The following AP3D1 variants were observed in gnomAD, a reference collection of about 807,000 sequenced individuals.
AP3D1 encodes the protein adaptor related protein complex 3 subunit delta 1, also known as AP-3 complex subunit delta-1.
In AP3D1, 51 loss-of-function variants were observed where a neutral mutation model predicts 147.6. The ratio of observed to expected loss-of-function variants is 0.35; its 90% CI spans 0.28 to 0.44. The LOEUF (loss-of-function observed/expected upper bound fraction) is 0.44. Among genes scored for constraint, AP3D1 ranks in the 20% least tolerant of loss-of-function variants. The probability of loss-of-function intolerance (pLI) is 1.00; values close to 1 mark genes in which losing one functional copy is unlikely to be tolerated. For missense variants in AP3D1, 1,421 were observed against 1,624.2 expected (o/e 0.87, Z 2.15); for synonymous variants, 760 against 663.0 (o/e 1.15, Z -2.25).
chr19:2,133,455 C>T (rs1023640791), intron 4 of AP3D1: 3 of 152,110 alleles, frequency 2.0e-5, no homozygotes, highest in African/African-American at 7.2e-5. Flanking sequence ...ATATATGCAT[C>T]TACCAAGATC....
Position 2,113,395 on chromosome 19 carries a change from A to G in AP3D1, c.2620T>C (p.Trp874Arg), listed in dbSNP as rs1475503187. 2 of 1,477,482 alleles carry G rather than the reference A, an allele frequency of 1.4e-6. No homozygotes were observed. Among genetic ancestry groups the G allele is most frequent in the Non-Finnish European group, 1.8e-6 (2 of 1,116,700 alleles). 91.5% of individuals were successfully genotyped at this position (1,477,482 alleles called of 1,614,324 possible). Residue 874 changes from tryptophan to arginine, a missense_variant, in exon 23 of 32, where the codon TGG (tryptophan) becomes CGG (arginine). Trp to Arg is a moderately radical substitution (Grantham distance 101). Transcript: ENST00000643116. ...KEKKAEDLDF[W>R]LSTTPPPAPA... ...GCAGGCGGTGGGGTGGTAGACAGCC[A>G]GAAGTCCAGGTCCTCAGCCTGAAAC... is the stretch of plus-strand genomic sequence containing the variant.
At chr19:2,157,180 C>T (rs1456233469) in intron 1 of AP3D1, among the ~76,000 whole-genome samples, 3 of 151,408 alleles carry the variant, frequency 2.0e-5, no homozygotes, top group Admixed American at 6.6e-5. Flanking sequence ...CGGTGGCTCA[C>T]GCCTGTAATC....
At chr19:2,150,373 G>A (rs1219911829) in intron 1 of AP3D1, among the ~76,000 whole-genome samples, 1 of 152,202 alleles carries the variant, frequency 6.6e-6, no homozygotes, top group African/African-American at 2.4e-5. Context: ...ACACGTGGTG[G>A]CCACTCTGCC....
intron 14 of AP3D1, among the ~76,000 whole-genome samples, chr19:2,119,946 G>C (rs751851205): frequency 3.9e-5 from 6 of 152,072 alleles, no homozygotes; most frequent in Non-Finnish European, 7.4e-5. Context: ...GCCAGACTCT[G>C]TCTCGGGGCG....
chr19:2,163,332 A>C (rs563236319), intron 1 of AP3D1, among the ~76,000 whole-genome samples: 3,395 of 150,704 alleles, frequency 0.023, 52 homozygotes, highest in Non-Finnish European at 0.033. Flanking sequence ...CCTCGGCCTC[A>C]CAAAGTGCTG....
chr19:2,137,881 C>G (rs1158705097), intron 2 of AP3D1, 74 bp from the exon 3 acceptor site: 14 of 1,383,372 alleles, frequency 1.0e-5, no homozygotes, highest in Admixed American at 1.7e-5. Context: ...CGGCATCAAG[C>G]GCTCCCTCCC....
chr19:2,112,692 A>T, intron 24 of AP3D1, 168 bp downstream of exon 24: 1 of 561,988 alleles, frequency 1.8e-6, no homozygotes, highest in South Asian at 2.4e-5. Context: ...GAAGGTTATT[A>T]AAAAAACACA....
intron 23 of AP3D1, 21 bp downstream of exon 23, chr19:2,113,315 G>T (rs768569313): frequency 1.1e-5 from 14 of 1,310,150 alleles, no homozygotes; most frequent in Non-Finnish European, 1.3e-5. Flanking sequence ...GGCTGGCACT[G>T]GCCAGCTGCC....
chr19:2,108,937 A>C, intron 30 of AP3D1, 149 bp downstream of exon 30: 1 of 1,367,248 alleles, frequency 7.3e-7, no homozygotes, highest in Non-Finnish European at 9.9e-7. Flanking sequence ...CCCCCGCACC[A>C]GCTCCCAGGC....
chr19:2,116,792 CGCGCCT>C, intron 16 of AP3D1, 46 bp from the exon 17 acceptor site: 1 of 1,552,854 alleles, frequency 6.4e-7, no homozygotes, highest in Admixed American at 2.0e-5. Flanking sequence ...TGACCGAGCA[CGCGCCT>C]GCAGGCGTCC....
chr19:2,102,594 G>A (rs1186284813), intron 31 of AP3D1, among the ~76,000 whole-genome samples: 2 of 152,094 alleles, frequency 1.3e-5, no homozygotes, highest in Admixed American at 6.6e-5. Context: ...CAGGCAGGGT[G>A]GCGGGTGCCT....
chr19:2,158,666 C>T (rs1215256486), intron 1 of AP3D1, among the ~76,000 whole-genome samples: 5 of 151,086 alleles, frequency 3.3e-5, no homozygotes, highest in Non-Finnish European at 5.9e-5. Context: ...AGTGCAACGG[C>T]GCAATCCGCT....
At position 2,115,847 on chromosome 19, in the gene AP3D1, A is replaced by G. The variant is rs561931608; in HGVS notation, c.2074-234T>C. On this transcript the variant is annotated intron_variant, in intron 18 of 31. Transcript: ENST00000643116. ...CGAGTGACCCCACAGGCCTATGAGC[A>G]GAGAGAAGCAAATCCTCGTTCACTT... is the stretch of plus-strand genomic sequence containing the variant. Among the ~76,000 whole-genome samples, 3 of 152,386 alleles carry G rather than the reference A, an allele frequency of 2.0e-5. No individual in the cohort carries two copies. The East Asian group carries it at 5.8e-4, about 29-fold the overall frequency.
Position 2,138,684 on chromosome 19 carries a change from T to A in AP3D1, c.127A>T (p.Ile43Phe), listed in dbSNP as rs1163344701. 6.2e-7 allele frequency: 1 copy of A among 1,613,682 alleles called. No homozygotes were observed. The highest frequency in any genetic ancestry group is 1.7e-5 in the Admixed American group (1 of 59,994). The change falls in exon 2 of 32, where the codon ATC (isoleucine) becomes TTC (phenylalanine). Residue 43 changes from isoleucine (I) to phenylalanine (F), a missense_variant. Coordinates refer to ENST00000643116, the MANE Select transcript of AP3D1 (RefSeq NM_001261826.3). ...TTGTCCTGCTTCAGCTCCTGCTTGA[T>A]CTCATCAATGCACTGAGATATGTAT... ...AKYISQCIDE[I>F]KQELKQDNIA... is the part of the protein sequence containing the mutation.
Position 2,162,981 on chromosome 19 carries a change from C to T in AP3D1, c.-103+1375G>A, listed in dbSNP as rs187588089. 5.7e-3 allele frequency among the ~76,000 whole-genome samples: 874 copies of T among 152,234 alleles called. 5 individuals are homozygous for T. The highest frequency in any genetic ancestry group is 0.02 in the African/African-American group (825 of 41,532). ...GATCTAACTTCACCGACTCCCTCTTCCTTCTAACCTCCAAGCTGTCCTTGT... is the reference window on the plus strand; with the variant it reads ...GATCTAACTTCACCGACTCCCTCTTTCTTCTAACCTCCAAGCTGTCCTTGT... On this transcript the variant is annotated intron_variant, in intron 1 of 14. Transcript: ENST00000643010.
Position 2,102,224 on chromosome 19 carries a change from C to T in AP3D1, c.3597G>A (p.Thr1199=), listed in dbSNP as rs201880859. ...TCTCTTCTAACAAGTTGCTCAGTAG[C>T]GTGGAGTCACTGCACTTCCCGTCGA... The part of the protein sequence containing the change: ...VSVDGKCSDS[T]LLSNLLEEMK... Residue 1199 remains threonine (T), a synonymous_variant, in exon 32 of 32, where the codon ACG becomes ACA. Coordinates refer to ENST00000643116, the MANE Select transcript of AP3D1 (RefSeq NM_001261826.3). 1.5e-5 allele frequency: 25 copies of T among 1,614,058 alleles called. No homozygotes were observed. In the African/African-American group the frequency reaches 2.0e-4, roughly 13 times the overall value.
At chr19:2,111,641 AC>A in intron 25 of AP3D1, 37 bp downstream of exon 25, 1 of 1,549,514 alleles carries the variant, frequency 6.5e-7, no homozygotes, top group Non-Finnish European at 8.7e-7. Flanking sequence ...CCCGCCAGGA[AC>A]CCCGGCGTGG....
rs368491820 is a variant in AP3D1, at chr19:2,115,374, G to A, written c.2194C>T (p.Arg732Trp). The A allele has an allele frequency of 3.1e-5, 49 of 1,606,480 alleles. No homozygotes were observed. In the Middle Eastern group the frequency reaches 9.9e-4, roughly 32 times the overall value. Reference protein sequence around the residue: ...DQYVKLEEERRHRQKLEKDKR... With the variant: ...DQYVKLEEERWHRQKLEKDKR... ...TCCTTCTCCAGCTTCTGCCGGTGCC[G>A]CCGCTCCTCCTCCAGCTTCACATAC... The change falls in exon 20 of 32, where the codon CGG (arginine) becomes TGG (tryptophan). Residue 732 changes from arginine to tryptophan, a missense_variant. Physicochemically the swap from Arg to Trp is moderately radical, Grantham distance 101. This residue lies in a region of AP3D1 where 791 missense variants were observed against 761.4 expected (regional missense o/e 1.04). Coordinates refer to ENST00000643116, the MANE Select transcript of AP3D1 (RefSeq NM_001261826.3).
At chr19:2,158,640 T>C (rs2019668882) in intron 1 of AP3D1, among the ~76,000 whole-genome samples, 1 of 151,254 alleles carries the variant, frequency 6.6e-6, no homozygotes, top group Non-Finnish European at 1.5e-5. Flanking sequence ...AGATTCGCTC[T>C]TGTCACCCAG....
Sources: allele counts gnomAD v4.1 joint callset (sites outside exome capture counted in the v4.1 genomes callset), GRCh38; gene constraint gnomAD v4.1.1; regional missense constraint gnomAD v4.1.1; transcripts MANE v1.5; gene names NCBI Gene and HGNC (gene_info 2026-07-23, HGNC 2026-07-21).